The following TAFA2 variants were observed in gnomAD, a reference collection of about 807,000 sequenced individuals.
TAFA2 encodes the protein TAFA chemokine like family member 2.
Under a neutral mutation model 18.8 loss-of-function variants are expected in TAFA2, and 7 were observed. That is an observed-to-expected ratio of 0.37 (90% CI 0.21 to 0.70). TAFA2 has a LOEUF of 0.70. Ranked by LOEUF, TAFA2 falls within the 30% of genes least tolerant of loss-of-function variation. TAFA2 has a pLI of 0.53. For missense variants in TAFA2, 122 were observed against 158.1 expected, an observed-to-expected ratio of 0.77 and a Z score of 1.23; for synonymous variants, 60 against 54.2, an observed-to-expected ratio of 1.11 and a Z score of -0.47.
At chr12:62,072,397 AGG>A (rs1286233879) in intron 1 of TAFA2, among the ~76,000 whole-genome samples, 1 of 151,954 alleles carries the variant, frequency 6.6e-6, no homozygotes. Flanking sequence ...TGAACCCAGG[AGG>A]CAGAGGTTGC....
intron 2 of TAFA2, among the ~76,000 whole-genome samples, chr12:61,825,568 G>C (rs1452547145): frequency 2.0e-5 from 3 of 152,048 alleles, no homozygotes; most frequent in African/African-American, 2.4e-5. Context: ...TTGGGTTTAT[G>C]ATGGGTAAAA....
At chr12:62,036,489 A>G (rs1029882427) in intron 1 of TAFA2, among the ~76,000 whole-genome samples, 1 of 152,140 alleles carries the variant, frequency 6.6e-6, no homozygotes, top group African/African-American at 2.4e-5. Flanking sequence ...CTAGTTATGT[A>G]CTTCCCCATT....
In TAFA2 at chr12:61,906,591, G is replaced by A. The variant is rs554655463; in HGVS notation, c.-1-39165C>T. Among the ~76,000 whole-genome samples, 39 of 152,256 alleles carry A rather than the reference G, an allele frequency of 2.6e-4. No homozygotes were observed. In the South Asian group the frequency reaches 7.9e-3, roughly 31 times the overall value. On this transcript the variant is annotated intron_variant, in intron 1 of 4. Transcript: ENST00000416284. Reference sequence around the variant, plus strand: ...GTAAATTGGTACTGGGTAGTGGGGTGCTTCTGTAAAGATACCCGAAAATGT... The same window carrying A: ...GTAAATTGGTACTGGGTAGTGGGGTACTTCTGTAAAGATACCCGAAAATGT...
At chr12:62,234,595 T>C in intron 1 of TAFA2, 1 of 824,324 alleles carries the variant, frequency 1.2e-6, no homozygotes, top group Admixed American at 1.7e-5. Context: ...TAAACACCTT[T>C]CCCGTTGCAC....
intron 1 of TAFA2, among the ~76,000 whole-genome samples, chr12:62,181,997 C>T (rs531078827): frequency 4.7e-5 from 7 of 150,098 alleles, no homozygotes; most frequent in Admixed American, 1.3e-4. Context: ...CCATCCCCCC[C>T]CCGCTACACA....
intron 1 of TAFA2, chr12:62,253,696 A>G (rs1644134483): frequency 6.6e-6 from 1 of 152,220 alleles, no homozygotes; most frequent in Non-Finnish European, 1.5e-5. Flanking sequence ...TTAAGGATTC[A>G]TATGATTAGA....
intron 2 of TAFA2, among the ~76,000 whole-genome samples, chr12:61,805,205 A>C (rs1446132956): frequency 6.6e-6 from 1 of 151,978 alleles, no homozygotes; most frequent in Non-Finnish European, 1.5e-5. Flanking sequence ...AATAAATGAC[A>C]TCTGAAGAAA....
At chr12:62,120,850 T>A (rs1284887007) in intron 1 of TAFA2, among the ~76,000 whole-genome samples, 7 of 151,060 alleles carry the variant, frequency 4.6e-5, no homozygotes, top group African/African-American at 1.2e-4. Flanking sequence ...TTATTATTTA[T>A]TTTATTTATT....
chr12:62,251,929 T>A (rs537347894), intron 1 of TAFA2, among the ~76,000 whole-genome samples: 2 of 152,184 alleles, frequency 1.3e-5, no homozygotes, highest in South Asian at 2.1e-4. Flanking sequence ...CACAGTAGAT[T>A]ATCCAATTCA....
chr12:61,924,638 C>T (rs1417074203), intron 1 of TAFA2, among the ~76,000 whole-genome samples: 2 of 152,016 alleles, frequency 1.3e-5, no homozygotes, highest in South Asian at 2.1e-4. Context: ...TAAAAACATA[C>T]CAAAATGTAA....
intron 1 of TAFA2, among the ~76,000 whole-genome samples, chr12:62,085,334 T>C (rs971545479): frequency 2.0e-5 from 3 of 152,300 alleles, no homozygotes; most frequent in East Asian, 1.9e-4. Flanking sequence ...TGTTATGTTT[T>C]ATCCCAAGCT....
chr12:61,848,454 TAA>T (rs1873497179), intron 2 of TAFA2, among the ~76,000 whole-genome samples: 1 of 152,140 alleles, frequency 6.6e-6, no homozygotes, highest in African/African-American at 2.4e-5. Context: ...TATTTAAAAA[TAA>T]AAAGTGAATG....
intron 2 of TAFA2, among the ~76,000 whole-genome samples, chr12:61,837,241 TTTTTA>T (rs891463322): frequency 6.6e-6 from 1 of 151,924 alleles, no homozygotes; most frequent in African/African-American, 2.4e-5. Context: ...CATTTATTTG[TTTTTA>T]TTTTCTTTTC....
intron 1 of TAFA2, among the ~76,000 whole-genome samples, chr12:61,993,830 G>T (rs566043616): frequency 1.4e-4 from 22 of 152,254 alleles, no homozygotes; most frequent in Non-Finnish European, 2.9e-4. Context: ...TGCCTTGAGT[G>T]CTGCTTCTCT....
chr12:61,758,855 T>C (rs1219213269), intron 2 of TAFA2, among the ~76,000 whole-genome samples: 1 of 151,998 alleles, frequency 6.6e-6, no homozygotes, highest in East Asian at 1.9e-4. Context: ...CATGATGAGA[T>C]TACTCCTCTA....
chr12:61,995,684 T>A (rs1184700862), intron 1 of TAFA2, among the ~76,000 whole-genome samples: 1 of 152,168 alleles, frequency 6.6e-6, no homozygotes, highest in Non-Finnish European at 1.5e-5. Flanking sequence ...TGATTCCATT[T>A]ATATGAAGTA....
rs35144994 is a variant in TAFA2, at chr12:62,249,272, T to TAAA, written c.-130+9488_-130+9490dup. The stretch of plus-strand genomic sequence containing the variant: ...GGGACTGCTCCCTCCTTTTTTTTCC[T>TAAA]AAAAAAAAAAAAAAAAAGGAAAAAG... On this transcript the variant is annotated intron_variant, in intron 1 of 5. Coordinates refer to the TAFA2 transcript ENST00000551619. Among the ~76,000 whole-genome samples, 238 of 137,720 alleles carry TAAA rather than the reference T, an allele frequency of 1.7e-3. 1 individual carries two copies. Among genetic ancestry groups the TAAA allele is most frequent in the African/African-American group, 6.1e-3 (234 of 38,134 alleles). 90.3% of individuals were successfully genotyped at this position (137,720 alleles called of 152,430 possible).
chr12:61,959,969 G>T (rs550255245), intron 1 of TAFA2, among the ~76,000 whole-genome samples: 1 of 151,934 alleles, frequency 6.6e-6, no homozygotes, highest in African/African-American at 2.4e-5. Flanking sequence ...GAACACCTGG[G>T]CTCAAAGCAG....
chr12:62,063,855 G>GAC (rs3031045), intron 1 of TAFA2, among the ~76,000 whole-genome samples: 11,123 of 147,890 alleles, frequency 0.075, 524 homozygotes, highest in African/African-American at 0.15. Context: ...AGGGTGGCTG[G>GAC]ACACACACAC....
Sources: allele counts gnomAD v4.1 joint callset (sites outside exome capture counted in the v4.1 genomes callset), GRCh38; gene constraint gnomAD v4.1.1; transcripts MANE v1.5; gene names NCBI Gene and HGNC (gene_info 2026-07-23, HGNC 2026-07-21).